FGF14: variants seen among roughly 807,000 people sequenced by gnomAD.
FGF14 encodes fibroblast growth factor homologous factor 4.
FGF14 carries 5 observed loss-of-function variants against 25.5 expected under a neutral mutation model. The observed-to-expected ratio is 0.20, with a 90% CI of 0.10 to 0.41. FGF14 has a LOEUF of 0.41. Among genes scored for constraint, FGF14 ranks in the 10% least tolerant of loss-of-function variants. The probability of loss-of-function intolerance (pLI) is 1.00; values close to 1 mark genes in which losing one functional copy is unlikely to be tolerated. For synonymous variants in FGF14, 138 were observed against 118.3 expected, an observed-to-expected ratio of 1.17 and a Z score of -1.08; for missense variants, 222 against 320.1, an observed-to-expected ratio of 0.69 and a Z score of 2.34.
At chr13:102,041,574 G>T (rs2041740930) in intron 1 of FGF14, among the ~76,000 whole-genome samples, 1 of 114,242 alleles carries the variant, frequency 8.8e-6, no homozygotes, top group African/African-American at 4.4e-5. Context: ...ATTACTTTGT[G>T]TTTCCATGTA....
intron 1 of FGF14, among the ~76,000 whole-genome samples, chr13:102,047,599 T>A (rs1345004404): frequency 6.6e-6 from 1 of 152,040 alleles, no homozygotes; most frequent in Non-Finnish European, 1.5e-5. Flanking sequence ...AAACACCGCA[T>A]ATTCTCACTC....
intron 1 of FGF14, among the ~76,000 whole-genome samples, chr13:102,254,368 T>C (rs942323782): frequency 7.9e-5 from 12 of 152,158 alleles, no homozygotes. Flanking sequence ...TCTGAGGTCA[T>C]AGTTGAAAAT....
intron 1 of FGF14, among the ~76,000 whole-genome samples, chr13:101,892,966 C>T (rs1256724385): frequency 6.6e-6 from 1 of 152,110 alleles, no homozygotes; most frequent in African/African-American, 2.4e-5. Context: ...TTAAAGCAGG[C>T]AGTGGCAAGA....
intron 1 of FGF14, among the ~76,000 whole-genome samples, chr13:102,365,723 C>A (rs1226421093): frequency 6.6e-6 from 1 of 151,868 alleles, no homozygotes; most frequent in African/African-American, 2.4e-5. Context: ...CTACTTCCAA[C>A]CTGTTTATGT....
intron 1 of FGF14, among the ~76,000 whole-genome samples, chr13:102,322,911 T>C (rs572035478): frequency 3.3e-5 from 5 of 152,244 alleles, no homozygotes; most frequent in Admixed American, 6.5e-5. Flanking sequence ...CATGTGATAT[T>C]GAAAACAAAA....
chr13:102,291,758 C>G (rs1384646604), intron 1 of FGF14, among the ~76,000 whole-genome samples: 1 of 152,002 alleles, frequency 6.6e-6, no homozygotes, highest in Admixed American at 6.6e-5. Flanking sequence ...GCTACGTACA[C>G]CTGAAAGGAT....
At chr13:102,161,679 GA>G (rs1356746303) in intron 1 of FGF14, among the ~76,000 whole-genome samples, 1 of 60,804 alleles carries the variant, frequency 1.6e-5, no homozygotes, top group Non-Finnish European at 3.8e-5. Flanking sequence ...AGAAGAAGAA[GA>G]AGAAGAAGAA....
At chr13:101,743,284 A>G (rs1368992336) in intron 3 of FGF14, among the ~76,000 whole-genome samples, 1 of 152,206 alleles carries the variant, frequency 6.6e-6, no homozygotes, top group African/African-American at 2.4e-5. Context: ...GAATGAAGAG[A>G]TCTGTAATAC....
intron 1 of FGF14, among the ~76,000 whole-genome samples, chr13:102,366,064 G>A (rs2057702930): frequency 6.6e-6 from 1 of 152,112 alleles, no homozygotes; most frequent in African/African-American, 2.4e-5. Context: ...GGGCATCAAT[G>A]GTTAGTGAAA....
At chr13:101,998,215 T>G (rs2039292953) in intron 1 of FGF14, among the ~76,000 whole-genome samples, 1 of 152,190 alleles carries the variant, frequency 6.6e-6, no homozygotes, top group African/African-American at 2.4e-5. Context: ...AGAAGGAGAA[T>G]GCACCATAGG....
At chr13:101,888,297 T>C (rs984734077) in intron 1 of FGF14, among the ~76,000 whole-genome samples, 1 of 151,810 alleles carries the variant, frequency 6.6e-6, no homozygotes, top group Non-Finnish European at 1.5e-5. Flanking sequence ...CTTCACTCAA[T>C]AGATGATTGG....
At chr13:102,087,676 G>A (rs931409123) in intron 1 of FGF14, among the ~76,000 whole-genome samples, 2 of 147,224 alleles carry the variant, frequency 1.4e-5, no homozygotes, top group South Asian at 2.1e-4. Flanking sequence ...TATCCACCTC[G>A]GCCTCCCAAA....
intron 1 of FGF14, among the ~76,000 whole-genome samples, chr13:102,027,174 C>G (rs967525699): frequency 6.6e-6 from 1 of 151,612 alleles, no homozygotes; most frequent in African/African-American, 2.4e-5. Flanking sequence ...CCCTAATTAG[C>G]AGGGGTTTAA....
rs189531417 is a variant in FGF14 at position 101,860,690 on chromosome 13, T to C, written c.408+8035A>G. ...CTCCTGGGCTCAAGTTATCTCCCCA[T>C]CTCAGCCTCCCAAAGCACTGGGATT... On this transcript the variant is annotated intron_variant, in intron 3 of 4. Transcript: ENST00000376143. Among the ~76,000 whole-genome samples, 1,021 of 152,076 alleles carry C rather than the reference T, an allele frequency of 6.7e-3. 10 individuals are homozygous for C. Among genetic ancestry groups the C allele is most frequent in the South Asian group, 0.018 (85 of 4,808 alleles).
At chr13:102,149,463 G>A (rs914466500) in intron 1 of FGF14, among the ~76,000 whole-genome samples, 3 of 152,154 alleles carry the variant, frequency 2.0e-5, no homozygotes, top group African/African-American at 7.2e-5. Flanking sequence ...TGAAGACCCT[G>A]ACATCACACT....
intron 1 of FGF14, among the ~76,000 whole-genome samples, chr13:102,377,689 TC>T (rs2058072891): frequency 6.6e-6 from 1 of 152,084 alleles, no homozygotes; most frequent in South Asian, 2.1e-4. Context: ...ATGTCTATAA[TC>T]CCAGCTACTC....
At chr13:102,106,081 G>A (rs939711862) in intron 1 of FGF14, among the ~76,000 whole-genome samples, 3 of 152,088 alleles carry the variant, frequency 2.0e-5, no homozygotes, top group Non-Finnish European at 2.9e-5. Context: ...ACAGAAAGGA[G>A]ATCTAAGATG....
chr13:101,932,079 T>C (rs1028227028), intron 1 of FGF14, among the ~76,000 whole-genome samples: 1 of 152,212 alleles, frequency 6.6e-6, no homozygotes, highest in South Asian at 2.1e-4. Flanking sequence ...TTCAAAGATT[T>C]TGTGGAAACG....
chr13:102,358,819 C>G (rs2057487188), intron 1 of FGF14, among the ~76,000 whole-genome samples: 1 of 152,112 alleles, frequency 6.6e-6, no homozygotes. Flanking sequence ...GAAAAATCTT[C>G]ATTAGTCAGA....
Sources: gnomAD v4.1 joint callset for allele counts (sites outside exome capture counted in the v4.1 genomes callset) on GRCh38, gnomAD v4.1.1 for gene constraint, MANE v1.5 for transcripts, NCBI Gene and HGNC (gene_info 2026-07-23, HGNC 2026-07-21) for gene names.